The following TBX22 variants were observed in gnomAD, a reference collection of about 807,000 sequenced individuals.
TBX22 encodes the protein T-box transcription factor TBX22.
TBX22 carries 8 observed loss-of-function variants against 30.1 expected under a neutral mutation model. That is an observed-to-expected ratio of 0.27 (90% confidence interval 0.16 to 0.48). The LOEUF (loss-of-function observed/expected upper bound fraction) is 0.48, where lower values mean the gene tolerates loss of function less well. TBX22 is among the 20% of genes least tolerant of loss of function. The pLI is 0.99. For synonymous variants in TBX22, 173 were observed against 149.1 expected, an observed-to-expected ratio of 1.16 and a Z score of -1.17; for missense variants, 463 against 400.5, an observed-to-expected ratio of 1.16 and a Z score of -1.33.
rs1324739451 is a variant in TBX22, at chrX:80,031,635, A to G, written c.*524A>G. 8.8e-6 allele frequency: 1 copy of G among 113,305 alleles called. No individual in the cohort carries two copies. The highest frequency in any genetic ancestry group is 3.2e-5 in the African/African-American group (1 of 30,929). The allele number at this position is 113,305 out of a possible 1,213,427, so 9.3% of individuals were successfully genotyped here. On this transcript the variant is annotated 3_prime_UTR_variant, in exon 9 of 9. Transcript: ENST00000373296. ...TTGAAGAAACTACTAATCTCAATTT[A>G]AGATACAAATAAGGACACAAACTTT...
intron 5 of TBX22, 21 bp from the exon 6 acceptor site, chrX:80,026,683 C>T (rs1432727393): frequency 8.3e-7 from 1 of 1,209,833 alleles, no homozygotes; most frequent in Non-Finnish European, 1.1e-6. Flanking sequence ...TTTCTAACAG[C>T]ATTGATCATT....
chrX:80,031,356 T>A lies in TBX22; in HGVS notation c.*245T>A, dbSNP rs780056805. The A allele has an allele frequency of 1.0e-4, 38 of 365,190 alleles. No homozygotes were observed. In the South Asian group the frequency reaches 1.8e-3, roughly 18 times the overall value. The allele number at this position is 365,190 out of a possible 1,213,427, so 30.1% of individuals were successfully genotyped here. On this transcript the variant is annotated 3_prime_UTR_variant, in exon 9 of 9. Coordinates refer to ENST00000373296, the MANE Select transcript of TBX22 (RefSeq NM_001109878.2). ...TTGAGCTTCAAAATGAGATATGCAA[T>A]AAATATTATTTGATGATACTCCACC...
intron 8 of TBX22, among the ~76,000 whole-genome samples, chrX:80,029,820 C>T (rs1209212107): frequency 1.8e-5 from 2 of 112,377 alleles, no homozygotes; most frequent in African/African-American, 3.2e-5. Context: ...ATATAATTGA[C>T]GCTAAGTCAT....
intron 1 of TBX22, among the ~76,000 whole-genome samples, chrX:80,020,154 G>A (rs1407567596): frequency 8.9e-6 from 1 of 111,801 alleles, no homozygotes; most frequent in Non-Finnish European, 1.9e-5. Flanking sequence ...ACCTGTATTA[G>A]GAGATACTAA....
intron 1 of TBX22, among the ~76,000 whole-genome samples, chrX:80,015,303 T>C: frequency 8.9e-6 from 1 of 111,907 alleles, no homozygotes; most frequent in Non-Finnish European, 1.9e-5. Flanking sequence ...CGGGAGTGCC[T>C]CCTGGAAGGT....
chrX:80,023,042 C>G lies in TBX22; in HGVS notation c.176-18C>G. ...GTGACGCTCTCTCAAACCCTGAGCG[C>G]CTTTCTGTGTCCAGCAGAAAAACAA... On this transcript the variant is annotated intron_variant, in intron 2 of 8. Transcript: ENST00000373296. The G allele has an allele frequency of 8.3e-7, 1 of 1,209,043 alleles. No homozygotes were observed. Among genetic ancestry groups the G allele is most frequent in the Non-Finnish European group, 1.1e-6 (1 of 893,644 alleles).
At chrX:80,024,265 T>TG (rs1239515185) in intron 4 of TBX22, 101 bp downstream of exon 4, 3 of 560,130 alleles carry the variant, frequency 5.4e-6, no homozygotes, top group Non-Finnish European at 8.8e-6. Context: ...AACTCTAGCA[T>TG]GGGGGGTGGG....
Position 80,030,873 on chromosome X carries a change from A to T in TBX22, c.1325A>T (p.Gln442Leu). The change falls in exon 9 of 9, where the codon CAA becomes CTA. Residue 442 changes from glutamine to leucine, a missense_variant. By Grantham distance (113) the Gln-to-Leu change is moderately radical. Coordinates refer to ENST00000373296, the MANE Select transcript of TBX22 (RefSeq NM_001109878.2). ...CTACAAGCACCTAATTCTACCAATC[A>T]AATGTTATATGGATTACAGTCACCT... ...QYLQAPNSTN[Q>L]MLYGLQSPGN... 8.3e-7 allele frequency: 1 copy of T among 1,211,739 alleles called. No individual in the cohort carries two copies. The highest frequency in any genetic ancestry group is 1.7e-5 in the African/African-American group (1 of 57,812).
In TBX22 at chrX:80,030,532, T is replaced by C; in HGVS notation, c.984T>C (p.Ser328=). The change falls in exon 9 of 9, where the codon AGT becomes AGC. Residue 328 remains serine (S), a synonymous_variant. Coordinates refer to ENST00000373296, the MANE Select transcript of TBX22 (RefSeq NM_001109878.2). The stretch of plus-strand genomic sequence containing the variant: ...GTGGCTCATCTCCAGTGACCTCTAG[T>C]GGAGGGGCCCCCTCTCCTTTGAACT... ...GSSGSSPVTS[S]GGAPSPLNSL... is the part of the protein sequence containing the mutation. 4.1e-6 allele frequency: 5 copies of C among 1,211,261 alleles called. No homozygotes were observed. The highest frequency in any genetic ancestry group is 3.4e-6 in the Non-Finnish European group (3 of 895,003).
Position 80,030,588 on chromosome X carries a change from T to C in TBX22, c.1040T>C (p.Met347Thr). The change falls in exon 9 of 9, where the codon ATG becomes ACG. Residue 347 changes from methionine (M) to threonine (T), a missense_variant. Coordinates refer to ENST00000373296, the MANE Select transcript of TBX22 (RefSeq NM_001109878.2). ...CTTTCTCCACTTTGCTTTTCACCTA[T>C]GTTTCATTTACCTACAAGCTCCCTT... ...SLLSPLCFSP[M>T]FHLPTSSLGM... The C allele has an allele frequency of 8.3e-7, 1 of 1,211,853 alleles. No individual in the cohort carries two copies. The highest frequency in any genetic ancestry group is 1.1e-6 in the Non-Finnish European group (1 of 895,491).
intron 1 of TBX22, among the ~76,000 whole-genome samples, chrX:80,015,810 CT>C (rs1321340779): frequency 1.8e-5 from 2 of 112,234 alleles, no homozygotes; most frequent in Non-Finnish European, 3.8e-5. Flanking sequence ...TGTGATTTCT[CT>C]TTTGTATTTT....
At chrX:80,028,472 C>T (rs1049087969) in intron 8 of TBX22, among the ~76,000 whole-genome samples, 1 of 111,900 alleles carries the variant, frequency 8.9e-6, no homozygotes, top group Admixed American at 9.5e-5. Context: ...CCTTTCAGTA[C>T]ATGTTAAAAT....
At chrX:80,022,786 A>C in intron 2 of TBX22, 1 of 407,986 alleles carries the variant, frequency 2.5e-6, no homozygotes. Context: ...TCGGTTATCA[A>C]CGTCTCCAGG....
chrX:80,019,768 C>A (rs1384170471), intron 1 of TBX22, among the ~76,000 whole-genome samples: 1 of 111,403 alleles, frequency 9.0e-6, no homozygotes, highest in Admixed American at 9.6e-5. Flanking sequence ...CTAGTACATA[C>A]AAGGGAGAGC....
Position 80,030,620 on chromosome X carries a change from C to T in TBX22, c.1072C>T (p.Pro358Ser). 8.3e-7 allele frequency: 1 copy of T among 1,211,644 alleles called. No homozygotes were observed. ...TTTACCTACAAGCTCCCTTGGAATG[C>T]CCTGTCCAGAGGCATACCTGCCCAA... ...FHLPTSSLGMPCPEAYLPNVN... is the reference protein window; with the variant it reads ...FHLPTSSLGMSCPEAYLPNVN... The change falls in exon 9 of 9, where the codon CCC (proline) becomes TCC (serine). Residue 358 changes from proline to serine, a missense_variant. Pro to Ser is a moderately conservative substitution (Grantham distance 74, BLOSUM62 -1). Transcript: ENST00000373296.
intron 4 of TBX22, among the ~76,000 whole-genome samples, chrX:80,025,076 C>A (rs1166567891): frequency 8.9e-6 from 1 of 112,259 alleles, no homozygotes; most frequent in Non-Finnish European, 1.9e-5. Context: ...TCTCAAATTG[C>A]AGCTGGCTTG....
At chrX:80,020,889 T>A (rs1477886840) in intron 1 of TBX22, among the ~76,000 whole-genome samples, 3 of 112,025 alleles carry the variant, frequency 2.7e-5, no homozygotes, top group Non-Finnish European at 5.6e-5. Context: ...GAGAATAATA[T>A]AATTTTTCTG....
At chrX:80,028,981 A>G (rs1021117082) in intron 8 of TBX22, among the ~76,000 whole-genome samples, 4 of 111,249 alleles carry the variant, frequency 3.6e-5, no homozygotes, top group African/African-American at 1.3e-4. Flanking sequence ...CTTATTTTAC[A>G]GTGTCGATTT....
chrX:80,029,497 G>A (rs1190623409), intron 8 of TBX22, among the ~76,000 whole-genome samples: 1 of 111,868 alleles, frequency 8.9e-6, no homozygotes, highest in African/African-American at 3.2e-5. Context: ...AAGATATAAT[G>A]CAGTATGGAA....
Sources: allele counts gnomAD v4.1 joint callset (sites outside exome capture counted in the v4.1 genomes callset), GRCh38; gene constraint gnomAD v4.1.1; transcripts MANE v1.5; gene names NCBI Gene and HGNC (gene_info 2026-07-23, HGNC 2026-07-21).